Variants in PTPRM observed in about 807,000 individuals in gnomAD.
PTPRM encodes protein tyrosine phosphatase receptor type M, also known as receptor-type tyrosine-protein phosphatase mu.
A neutral mutation model predicts 186.7 loss-of-function variants in PTPRM; 47 were observed. The observed-to-expected ratio is 0.25, with a 90% CI of 0.20 to 0.32. The LOEUF (loss-of-function observed/expected upper bound fraction) is 0.32, where lower values mean the gene tolerates loss of function less well. PTPRM is among the 10% of genes least tolerant of loss of function. The pLI is 1.00. For synonymous variants in PTPRM, 668 were observed against 674.9 expected (o/e 0.99, Z 0.16); for missense variants, 1,494 against 1,865.0 (o/e 0.80, Z 3.66).
intron 2 of PTPRM, among the ~76,000 whole-genome samples, chr18:7,866,339 C>T (rs1046518176): frequency 2.6e-5 from 4 of 152,122 alleles, no homozygotes; most frequent in Admixed American, 1.3e-4. Context: ...TGTAAATTTC[C>T]CTCTAAACAC....
chr18:8,256,844 G>A (rs1032059243), intron 19 of PTPRM, among the ~76,000 whole-genome samples: 1 of 152,220 alleles, frequency 6.6e-6, no homozygotes, highest in Admixed American at 6.5e-5. Context: ...CCATATCTAA[G>A]TTGGAGAGTC....
rs149815747 is a variant in PTPRM, at chr18:8,071,359, T to C, written c.1441+1365T>C. 2.9e-3 allele frequency among the ~76,000 whole-genome samples: 445 copies of C among 152,328 alleles called. 2 individuals are homozygous for C. Among genetic ancestry groups the C allele is most frequent in the African/African-American group, 0.01 (435 of 41,580 alleles). ...GATTGTTCTTTTCTGTCAATTTCCA[T>C]TGGCTGTATTCAAATCCTTATTATT... On this transcript the variant is annotated intron_variant, in intron 8 of 32. Coordinates refer to ENST00000580170, the MANE Select transcript of PTPRM (RefSeq NM_001105244.2).
At chr18:8,142,062 A>G (rs1435309956) in intron 13 of PTPRM, among the ~76,000 whole-genome samples, 1 of 152,192 alleles carries the variant, frequency 6.6e-6, no homozygotes, top group South Asian at 2.1e-4. Flanking sequence ...TGTATTTCAG[A>G]TGTAATTACC....
chr18:8,293,259 G>T (rs2095060422), intron 19 of PTPRM, among the ~76,000 whole-genome samples: 2 of 152,194 alleles, frequency 1.3e-5, no homozygotes, highest in Admixed American at 6.5e-5. Flanking sequence ...CCAATTAAAT[G>T]AAAATAATAC....
chr18:8,042,632 G>C (rs573079431), intron 7 of PTPRM, among the ~76,000 whole-genome samples: 1 of 151,812 alleles, frequency 6.6e-6, no homozygotes, highest in South Asian at 2.1e-4. Context: ...CCCTACCCTT[G>C]AGCTTCAGAT....
chr18:8,050,215 G>A (rs1022263641), intron 7 of PTPRM, among the ~76,000 whole-genome samples: 3 of 152,186 alleles, frequency 2.0e-5, no homozygotes, highest in Non-Finnish European at 4.4e-5. Context: ...TGCTTGACTG[G>A]TATGGAAAGC....
rs181723602 is a variant in PTPRM, at chr18:7,766,507, G to A, written c.74-7642G>A. 5.3e-5 allele frequency among the ~76,000 whole-genome samples: 8 copies of A among 152,302 alleles called. No homozygotes were observed. In the East Asian group the frequency reaches 1.5e-3, roughly 29 times the overall value. ...ATGGCAGAGGAGTTACTATGGGGCT[G>A]CACCTGCAGGACTCAGAGGTAATGT... is the stretch of plus-strand genomic sequence containing the variant. On this transcript the variant is annotated intron_variant, in intron 1 of 32. Coordinates refer to ENST00000580170, the MANE Select transcript of PTPRM (RefSeq NM_001105244.2).
chr18:7,634,022 C>T (rs2038253549), intron 1 of PTPRM, among the ~76,000 whole-genome samples: 1 of 152,202 alleles, frequency 6.6e-6, no homozygotes, highest in South Asian at 2.1e-4. Context: ...GAATCTTTTC[C>T]AAGGCCCGCT....
At chr18:8,109,705 G>T (rs1281980938) in intron 11 of PTPRM, among the ~76,000 whole-genome samples, 1 of 152,034 alleles carries the variant, frequency 6.6e-6, no homozygotes, top group Non-Finnish European at 1.5e-5. Flanking sequence ...GTTGTTTAAG[G>T]CAAACTAGAG....
intron 2 of PTPRM, among the ~76,000 whole-genome samples, chr18:7,865,674 T>G (rs923360794): frequency 6.6e-6 from 1 of 152,194 alleles, no homozygotes; most frequent in African/African-American, 2.4e-5. Context: ...TGCGAGGTTT[T>G]GGTATCAGGA....
chr18:7,626,524 C>T (rs1325239785), intron 1 of PTPRM, among the ~76,000 whole-genome samples: 1 of 152,172 alleles, frequency 6.6e-6, no homozygotes, highest in Non-Finnish European at 1.5e-5. Context: ...AAGGGGCATA[C>T]AGATGACTTC....
At chr18:8,136,202 T>C (rs2092634212) in intron 13 of PTPRM, among the ~76,000 whole-genome samples, 1 of 152,226 alleles carries the variant, frequency 6.6e-6, no homozygotes, top group Non-Finnish European at 1.5e-5. Context: ...CCCACTTCCT[T>C]TCTTGATTAT....
At chr18:7,808,341 C>T (rs934612752) in intron 2 of PTPRM, among the ~76,000 whole-genome samples, 1 of 152,108 alleles carries the variant, frequency 6.6e-6, no homozygotes. Flanking sequence ...TAGGAGGCCC[C>T]CCTCCATCCA....
chr18:8,085,544 C>G, intron 9 of PTPRM, 127 bp from the exon 10 acceptor site: 1 of 797,298 alleles, frequency 1.3e-6, no homozygotes, highest in Non-Finnish European at 2.0e-6. Context: ...TTCAGGATTT[C>G]AAGAGTCTGA....
At position 7,949,202 on chromosome 18, in the gene PTPRM, C is replaced by T. The variant is rs1320697974; in HGVS notation, c.685C>T (p.Pro229Ser). The T allele has an allele frequency of 6.2e-7, 1 of 1,608,990 alleles. No individual in the cohort carries two copies. The highest frequency in any genetic ancestry group is 8.5e-7 in the Non-Finnish European group (1 of 1,175,548). The stretch of plus-strand genomic sequence containing the variant: ...ACAGGGCATTGATGTGCGAGATGCT[C>T]CTCTGAAGGAAATCAAGGTGACCAG... ...WLQGIDVRDA[P>S]LKEIKVTSSR... Residue 229 changes from proline (P) to serine (S), a missense_variant, in exon 6 of 33, where the codon CCT (proline) becomes TCT (serine). By Grantham distance (74) the Pro-to-Ser change is moderately conservative (BLOSUM62 -1). Transcript: ENST00000580170.
At chr18:7,649,936 CA>C (rs969698964) in intron 1 of PTPRM, among the ~76,000 whole-genome samples, 2 of 151,608 alleles carry the variant, frequency 1.3e-5, no homozygotes, top group African/African-American at 4.9e-5. Flanking sequence ...AAGGTATGTA[CA>C]TTTTTTTAAA....
At chr18:7,889,508 T>A (rs998273164) in intron 3 of PTPRM, among the ~76,000 whole-genome samples, 2 of 151,986 alleles carry the variant, frequency 1.3e-5, no homozygotes, top group African/African-American at 4.8e-5. Flanking sequence ...GCTAATTTTT[T>A]ATATTTTTTT....
At chr18:7,777,192 T>C (rs2042629538) in intron 2 of PTPRM, among the ~76,000 whole-genome samples, 1 of 152,204 alleles carries the variant, frequency 6.6e-6, no homozygotes, top group African/African-American at 2.4e-5. Flanking sequence ...CATGGGTATG[T>C]GTATTTGTCT....
At chr18:7,810,275 A>C (rs1443426922) in intron 2 of PTPRM, among the ~76,000 whole-genome samples, 1 of 152,214 alleles carries the variant, frequency 6.6e-6, no homozygotes, top group African/African-American at 2.4e-5. Flanking sequence ...CTCAAAATGC[A>C]AGACAAACTG....
Sources: allele counts gnomAD v4.1 joint callset (sites outside exome capture counted in the v4.1 genomes callset), GRCh38; gene constraint gnomAD v4.1.1; transcripts MANE v1.5; gene names NCBI Gene and HGNC (gene_info 2026-07-23, HGNC 2026-07-21).